DISP3: variants seen among roughly 807,000 people sequenced by gnomAD.
DISP3 encodes dispatched RND transporter family member 3.
DISP3 carries 101 observed loss-of-function variants against 135.3 expected under a neutral mutation model. The observed-to-expected ratio is 0.75, with a 90% CI of 0.64 to 0.88. The LOEUF is 0.88. Among genes scored for constraint, DISP3 ranks in the 40% least tolerant of loss-of-function variants. DISP3 has a pLI of 0.00. For missense variants in DISP3, 1,713 were observed against 1,878.6 expected, an observed-to-expected ratio of 0.91 and a Z score of 1.63; for synonymous variants, 856 against 817.0, an observed-to-expected ratio of 1.05 and a Z score of -0.81.
intron 1 of DISP3, among the ~76,000 whole-genome samples, chr1:11,480,142 G>C (rs1640855324): frequency 6.6e-6 from 1 of 152,186 alleles, no homozygotes; most frequent in Non-Finnish European, 1.5e-5. Context: ...GGCTGGGAAG[G>C]CGCCTCCTTG....
chr1:11,492,554 C>G (rs1641219018), intron 1 of DISP3, among the ~76,000 whole-genome samples: 1 of 152,200 alleles, frequency 6.6e-6, no homozygotes. Flanking sequence ...CCCGATTCCT[C>G]TCCCCACCCC....
At position 11,502,785 on chromosome 1, in the gene DISP3, G is replaced by A. The variant is rs1282154023; in HGVS notation, c.1204G>A (p.Gly402Arg). 6.2e-7 allele frequency: 1 copy of A among 1,614,208 alleles called. No homozygotes were observed. The highest frequency in any genetic ancestry group is 8.5e-7 in the Non-Finnish European group (1 of 1,180,046). Residue 402 changes from glycine to arginine, a missense_variant, in exon 3 of 21, where the codon GGA becomes AGA. Physicochemically the swap from Gly to Arg is moderately radical, Grantham distance 125 (BLOSUM62 -2). Coordinates refer to ENST00000294484, the MANE Select transcript of DISP3 (RefSeq NM_020780.2). ...SSLLRSEILF[G>R]APLPNYYSVD... is the part of the protein sequence containing the mutation. ...CCTCCTGCGCAGTGAGATCCTGTTT[G>A]GAGCACCCCTGCCCAACTACTACTC...
intron 1 of DISP3, among the ~76,000 whole-genome samples, chr1:11,493,275 G>C (rs1641236946): frequency 6.6e-6 from 1 of 152,204 alleles, no homozygotes; most frequent in Admixed American, 6.5e-5. Context: ...ATTTCAGCTT[G>C]AGTCCAAAGG....
intron 1 of DISP3, among the ~76,000 whole-genome samples, chr1:11,480,760 C>T (rs1336408189): frequency 6.6e-6 from 1 of 151,526 alleles, no homozygotes; most frequent in African/African-American, 2.4e-5. Context: ...AGCAAACACC[C>T]CCTCCCCACC....
Position 11,499,499 on chromosome 1 carries a change from G to A in DISP3, c.-3-1491G>A, listed in dbSNP as rs1272802814. ...TTACCATCCCCTCGGCAAGCTGGCAGGCTCGTGTTAGGGCGTTGCAAATGG... is the reference window on the plus strand; with the variant it reads ...TTACCATCCCCTCGGCAAGCTGGCAAGCTCGTGTTAGGGCGTTGCAAATGG... On this transcript the variant is annotated intron_variant, in intron 1 of 20. Coordinates refer to ENST00000294484, the MANE Select transcript of DISP3 (RefSeq NM_020780.2). The surrounding 1 kb of genome is among the most constrained non-coding windows in gnomAD (Gnocchi z 5.2). Among the ~76,000 whole-genome samples the A allele has an allele frequency of 6.6e-6, 1 of 152,160 alleles. No homozygotes were observed. The highest frequency in any genetic ancestry group is 2.4e-5 in the African/African-American group (1 of 41,434).
intron 1 of DISP3, among the ~76,000 whole-genome samples, chr1:11,497,507 G>GC (rs1214888892): frequency 6.6e-6 from 1 of 152,106 alleles, no homozygotes; most frequent in Non-Finnish European, 1.5e-5. Flanking sequence ...TCTTGCCTCA[G>GC]CCCCCCGAGT....
chr1:11,501,758 T>A lies in DISP3; in HGVS notation c.766T>A (p.Trp256Arg), dbSNP rs368244652. 6.9e-6 allele frequency: 11 copies of A among 1,593,134 alleles called. No homozygotes were observed. The highest frequency in any genetic ancestry group is 8.6e-6 in the Non-Finnish European group (10 of 1,167,958). Residue 256 changes from tryptophan (W) to arginine (R), a missense_variant, in exon 2 of 21, where the codon TGG becomes AGG. Around this residue, in one of 2 missense-constraint regions of DISP3, gnomAD observed 571 missense variants for 494.1 expected, o/e 1.16. Coordinates refer to ENST00000294484, the MANE Select transcript of DISP3 (RefSeq NM_020780.2). This position sits in a 1 kb window ranked among gnomAD's most constrained non-coding sequence, Gnocchi z 4.9. The part of the protein sequence containing the change: ...QSRARRGASR[W>R]DYSRAYVSAN... ...CCGTGCCCGCCGAGGCGCCTCGCGC[T>A]GGGACTACTCGCGCGCCTATGTGAG...
rs761012254 is a variant in DISP3 at position 11,519,419 on chromosome 1, G to A, written c.1954G>A (p.Glu652Lys). 47 of 1,613,606 alleles carry A rather than the reference G, an allele frequency of 2.9e-5. No homozygotes were observed. Among genetic ancestry groups the A allele is most frequent in the Middle Eastern group, 1.6e-4 (1 of 6,084 alleles). Residue 652 changes from glutamate (E) to lysine (K), a missense_variant, in exon 8 of 21, where the codon GAG (glutamate) becomes AAG (lysine). Transcript: ENST00000294484. The surrounding 1 kb of genome is among the most constrained non-coding windows in gnomAD (Gnocchi z 4.3). Reference protein sequence around the residue: ...HFPGDVFAAPEQVGGSPAQGP... With the variant: ...HFPGDVFAAPKQVGGSPAQGP... ...CCCCGGAGACGTGTTTGCCGCTCCC[G>A]AGCAGGTTGGAGGCAGCCCTGCCCA...
At chr1:11,514,357 T>A in intron 3 of DISP3, 33 bp from the exon 4 acceptor site, 2 of 1,583,220 alleles carry the variant, frequency 1.3e-6, no homozygotes, top group Non-Finnish European at 1.7e-6. Context: ...CCTCTTCCTG[T>A]CATTCTTTTC....
intron 1 of DISP3, among the ~76,000 whole-genome samples, chr1:11,494,568 G>A (rs1641278594): frequency 6.6e-6 from 1 of 152,160 alleles, no homozygotes; most frequent in African/African-American, 2.4e-5. Context: ...AGGCACCAAG[G>A]CCTCCTCTTT....
Position 11,520,769 on chromosome 1 carries a change from G to T in DISP3, c.2283G>T (p.Arg761=). 1 of 1,613,520 alleles carries T rather than the reference G, an allele frequency of 6.2e-7. No homozygotes were observed. Among genetic ancestry groups the T allele is most frequent in the Non-Finnish European group, 8.5e-7 (1 of 1,179,994 alleles). ...RPASRAPLLF[R]PDTNIQVLLD... ...CCAGCCGGGCCCCGCTACTCTTCCGGCCTGATACCAACATCCAGGTGCTGC... is the reference window on the plus strand; with the variant it reads ...CCAGCCGGGCCCCGCTACTCTTCCGTCCTGATACCAACATCCAGGTGCTGC... The change falls in exon 10 of 21, where the codon CGG becomes CGT. Residue 761 remains arginine (R), a synonymous_variant. Coordinates refer to ENST00000294484, the MANE Select transcript of DISP3 (RefSeq NM_020780.2). The surrounding 1 kb of genome is among the most constrained non-coding windows in gnomAD (Gnocchi z 4.8).
rs561205133 is a variant in DISP3, at chr1:11,515,175, T to C, written c.1454-194T>C. On this transcript the variant is annotated intron_variant, in intron 4 of 20. Coordinates refer to ENST00000294484, the MANE Select transcript of DISP3 (RefSeq NM_020780.2). ...GCAAAGAGGAGGACAGTCTGCCACT[T>C]GGGCCTCCTGCCCGGTGCCCTTTTT... Among the ~76,000 whole-genome samples the C allele has an allele frequency of 7.2e-5, 11 of 152,382 alleles. 1 individual carries two copies. The South Asian group carries it at 2.3e-3, about 32-fold the overall frequency.
Position 11,537,112 on chromosome 1 carries a change from G to C in DISP3, c.*426G>C, listed in dbSNP as rs1030644552. The C allele has an allele frequency of 6.0e-6, 1 of 167,396 alleles. No individual in the cohort carries two copies. The highest frequency in any genetic ancestry group is 1.3e-5 in the Non-Finnish European group (1 of 77,844). The allele number at this position is 167,396 out of a possible 1,614,324, so 10.4% of individuals were successfully genotyped here. ...AGGACACAGTGGCTGCCCTGTCGCT[G>C]GATCAGTAGCAGAGCCAGAGCTGCC... On this transcript the variant is annotated 3_prime_UTR_variant, in exon 21 of 21. Coordinates refer to ENST00000294484, the MANE Select transcript of DISP3 (RefSeq NM_020780.2).
chr1:11,505,760 T>C (rs1641680156), intron 3 of DISP3, among the ~76,000 whole-genome samples: 1 of 152,254 alleles, frequency 6.6e-6, no homozygotes. Flanking sequence ...ATTTTAATTC[T>C]TAATACATTT....
intron 12 of DISP3, 116 bp downstream of exon 12, chr1:11,525,428 A>G: frequency 7.9e-7 from 1 of 1,273,222 alleles, no homozygotes. Flanking sequence ...TTTGAGGATG[A>G]AGACCCCCCT....
chr1:11,507,470 C>T (rs1641738644), intron 3 of DISP3, among the ~76,000 whole-genome samples: 1 of 152,224 alleles, frequency 6.6e-6, no homozygotes, highest in African/African-American at 2.4e-5. Context: ...CACACAGCCC[C>T]AGACTTCTGC....
At chr1:11,479,697 C>G (rs1336216913) in intron 1 of DISP3, among the ~76,000 whole-genome samples, 2 of 152,228 alleles carry the variant, frequency 1.3e-5, no homozygotes, top group Non-Finnish European at 2.9e-5. Context: ...CGACCTCTGG[C>G]CCCTGCTTGT....
intron 1 of DISP3, among the ~76,000 whole-genome samples, chr1:11,497,609 C>T (rs1557596560): frequency 6.6e-6 from 1 of 152,166 alleles, no homozygotes; most frequent in African/African-American, 2.4e-5. Context: ...AGGACGGTCT[C>T]GATCTCCTGA....
chr1:11,506,524 C>A (rs1453175111), intron 3 of DISP3, among the ~76,000 whole-genome samples: 1 of 151,758 alleles, frequency 6.6e-6, no homozygotes, highest in African/African-American at 2.4e-5. Context: ...CATTTAATGT[C>A]TATTGAGGTT....
Sources: allele counts gnomAD v4.1 joint callset (sites outside exome capture counted in the v4.1 genomes callset), GRCh38; gene constraint gnomAD v4.1.1; regional missense constraint gnomAD v4.1.1; non-coding constraint Gnocchi (gnomAD v3.1); transcripts MANE v1.5; gene names NCBI Gene and HGNC (gene_info 2026-07-23, HGNC 2026-07-21).